The following WFDC1 variants were observed in gnomAD, a reference collection of about 807,000 sequenced individuals.
The protein encoded by WFDC1 is WAP four-disulfide core domain 1.
WFDC1 carries 39 observed loss-of-function variants against 32.9 expected under a neutral mutation model. The observed-to-expected ratio is 1.19, with a 90% CI of 0.92 to 1.55. WFDC1 has a LOEUF of 1.55. Ranked by LOEUF, WFDC1 falls within the 40% of genes most tolerant of loss-of-function variation. The pLI is 0.00. For missense variants in WFDC1, 386 were observed against 309.5 expected, an observed-to-expected ratio of 1.25 and a Z score of -1.85; for synonymous variants, 184 against 137.4, an observed-to-expected ratio of 1.34 and a Z score of -2.37.
chr16:84,316,140 GGAAGAACCGAAAGGTTGCGTATAGAGGCT>G (rs1457274761), intron 2 of WFDC1: 1 of 152,226 alleles, frequency 6.6e-6, no homozygotes, highest in Non-Finnish European at 1.5e-5. Context: ...TGGAAAGGAG[GGAAGAACCGAAAGGTTGCGTATAGAGGCT>G]GAAGAACCAT....
At chr16:84,295,549 T>C (rs1230392695) in intron 1 of WFDC1, 1 of 212,388 alleles carries the variant, frequency 4.7e-6, no homozygotes, top group African/African-American at 2.3e-5. Context: ...AAACAGAATT[T>C]AGCAGAAACC....
rs570716611 is a variant in WFDC1 at position 84,322,430 on chromosome 16, T to C, written c.563-1989T>C. ...AGGAAGAAGCTTTTTATTTAAGTTT[T>C]TAAAAACTGCATATTTGAAATAATT... On this transcript the variant is annotated intron_variant, in intron 4 of 6. Transcript: ENST00000219454. Among the ~76,000 whole-genome samples the C allele has an allele frequency of 2.0e-5, 3 of 152,296 alleles. No individual in the cohort carries two copies. The South Asian group carries it at 6.2e-4, about 32-fold the overall frequency.
Position 84,312,971 on chromosome 16 carries a change from C to T in WFDC1, c.155C>T (p.Ala52Val), listed in dbSNP as rs1206304221. Reference protein sequence around the residue: ...RLAEKSRAEEAGAPGGPRQPR... With the variant: ...RLAEKSRAEEVGAPGGPRQPR... ...GCCCTCTCCCCGCAGGCCGAGGAGG[C>T]GGGCGCGCCCGGCGGCCCCCGGCAG... Residue 52 changes from alanine to valine, a missense_variant, in exon 2 of 7, where the codon GCG (alanine) becomes GTG (valine). Coordinates refer to ENST00000219454, the MANE Select transcript of WFDC1 (RefSeq NM_021197.4). The T allele has an allele frequency of 1.7e-6, 2 of 1,161,124 alleles. No individual in the cohort carries two copies. The highest frequency in any genetic ancestry group is 3.3e-5 in the African/African-American group (2 of 61,520). 71.9% of individuals were successfully genotyped at this position (1,161,124 alleles called of 1,614,324 possible).
intron 1 of WFDC1, among the ~76,000 whole-genome samples, chr16:84,304,502 A>G (rs1043309793): frequency 6.6e-6 from 1 of 151,944 alleles, no homozygotes; most frequent in African/African-American, 2.4e-5. Flanking sequence ...TGCTGGGATT[A>G]TAGGTGTGAG....
chr16:84,321,516 T>G (rs1908302676), intron 4 of WFDC1, among the ~76,000 whole-genome samples: 1 of 152,222 alleles, frequency 6.6e-6, no homozygotes, highest in Non-Finnish European at 1.5e-5. Flanking sequence ...ATAATAGGAA[T>G]GCCTTGGGCA....
chr16:84,306,188 G>C (rs978237067), intron 1 of WFDC1, among the ~76,000 whole-genome samples: 3 of 152,110 alleles, frequency 2.0e-5, no homozygotes, highest in African/African-American at 7.2e-5. Context: ...ATGACGCTCA[G>C]ATACGTTAGT....
intron 1 of WFDC1, among the ~76,000 whole-genome samples, chr16:84,302,052 G>A (rs896727764): frequency 1.1e-4 from 17 of 152,318 alleles, no homozygotes; most frequent in East Asian, 1.9e-4. Flanking sequence ...AGAAAGGTAC[G>A]GAGCCTGGAC....
intron 1 of WFDC1, among the ~76,000 whole-genome samples, chr16:84,299,155 G>T (rs963566292): frequency 6.6e-6 from 1 of 152,086 alleles, no homozygotes; most frequent in East Asian, 1.9e-4. Context: ...GAGGTCGGGA[G>T]TTCAAAACCA....
intron 1 of WFDC1, among the ~76,000 whole-genome samples, chr16:84,301,587 G>T (rs1906939055): frequency 6.6e-6 from 1 of 152,152 alleles, no homozygotes; most frequent in Non-Finnish European, 1.5e-5. Flanking sequence ...GCAGCACCCA[G>T]GAGGGGGTCT....
intron 5 of WFDC1, chr16:84,325,557 A>C (rs939865386): frequency 1.3e-5 from 2 of 150,444 alleles, no homozygotes; most frequent in African/African-American, 2.4e-5. Context: ...CCATCCACCC[A>C]CCCATCTATG....
intron 4 of WFDC1, among the ~76,000 whole-genome samples, chr16:84,323,266 G>A (rs746086155): frequency 1.2e-4 from 18 of 152,296 alleles, no homozygotes; most frequent in Non-Finnish European, 2.2e-4. Context: ...TTTTAGTATG[G>A]CCACAAAACA....
In WFDC1 at chr16:84,319,416, G is replaced by C; in HGVS notation, c.422-15G>C. 1 of 1,607,636 alleles carries C rather than the reference G, an allele frequency of 6.2e-7. No homozygotes were observed. Among genetic ancestry groups the C allele is most frequent in the Non-Finnish European group, 8.5e-7 (1 of 1,179,624 alleles). On this transcript the variant is annotated splice_polypyrimidine_tract_variant and intron_variant, in intron 3 of 6. Transcript: ENST00000219454. ...GAGTCGGCCTTCTAGACCCCAGCGT[G>C]TGTCCCTCCTGCAGCAGAGGCGTGC...
At chr16:84,314,923 G>A (rs1473986209) in intron 2 of WFDC1, among the ~76,000 whole-genome samples, 1 of 152,184 alleles carries the variant, frequency 6.6e-6, no homozygotes, top group Admixed American at 6.5e-5. Flanking sequence ...ATTCCCAATA[G>A]CCTTTTCATA....
intron 4 of WFDC1, among the ~76,000 whole-genome samples, chr16:84,322,145 C>CTGTGTGTGTGTGCGTGTG (rs1185386626): frequency 7.3e-5 from 8 of 109,458 alleles, no homozygotes; most frequent in East Asian, 7.0e-4. Flanking sequence ...GCCTCAGAGC[C>CTGTGTGTGTGTGCGTGTG]TGTGTGTGTG....
At chr16:84,295,441 A>G (rs367845560) in intron 1 of WFDC1, 2 of 486,396 alleles carry the variant, frequency 4.1e-6, no homozygotes, top group Admixed American at 3.8e-5. Context: ...TAAACGGAGC[A>G]TTCCGTCTCC....
chr16:84,326,741 T>C (rs1003424775), intron 5 of WFDC1, 141 bp from the exon 6 acceptor site: 2 of 854,890 alleles, frequency 2.3e-6, no homozygotes, highest in Non-Finnish European at 3.8e-6. Flanking sequence ...GCACTGCAGG[T>C]GGGGACTGAG....
chr16:84,314,577 G>C (rs982369463), intron 2 of WFDC1, among the ~76,000 whole-genome samples: 2 of 152,124 alleles, frequency 1.3e-5, no homozygotes, highest in Admixed American at 1.3e-4. Flanking sequence ...TTGGGGTGAG[G>C]TCACAGCGAT....
intron 6 of WFDC1, chr16:84,328,524 T>G (rs549316638): frequency 6.6e-6 from 1 of 152,206 alleles, no homozygotes; most frequent in Non-Finnish European, 1.5e-5. Flanking sequence ...GTCTGTTACC[T>G]GCTGATGACA....
At chr16:84,315,560 A>G (rs1478093485) in intron 2 of WFDC1, among the ~76,000 whole-genome samples, 1 of 152,154 alleles carries the variant, frequency 6.6e-6, no homozygotes, top group Non-Finnish European at 1.5e-5. Context: ...CTAACACCAG[A>G]TTTCACAATC....
Sources: allele counts gnomAD v4.1 joint callset (sites outside exome capture counted in the v4.1 genomes callset), GRCh38; gene constraint gnomAD v4.1.1; transcripts MANE v1.5; gene names NCBI Gene and HGNC (gene_info 2026-07-23, HGNC 2026-07-21).